Variants in USP40 observed in about 807,000 individuals in gnomAD.
USP40 encodes ubiquitin carboxyl-terminal hydrolase 40.
Under a neutral mutation model 166.2 loss-of-function variants are expected in USP40, and 143 were observed. That is an observed-to-expected ratio of 0.86 (90% CI 0.75 to 0.99). The LOEUF is 0.99. Ranked by LOEUF, USP40 falls within the 50% of genes least tolerant of loss-of-function variation. The probability of loss-of-function intolerance (pLI) is 0.00; values close to 1 mark genes in which losing one functional copy is unlikely to be tolerated. For missense variants in USP40, 1,444 were observed against 1,479.7 expected (o/e 0.98, Z 0.40); for synonymous variants, 498 against 524.0 (o/e 0.95, Z 0.68).
At chr2:233,509,525 A>G (rs572564263) in intron 21 of USP40, among the ~76,000 whole-genome samples, 10 of 152,288 alleles carry the variant, frequency 6.6e-5, no homozygotes, top group African/African-American at 2.2e-4. Flanking sequence ...ATAGAAAGAA[A>G]AAAATTGTAA....
intron 7 of USP40, among the ~76,000 whole-genome samples, chr2:233,549,987 A>G (rs1300192959): frequency 6.6e-6 from 1 of 152,172 alleles, no homozygotes. Context: ...ATGTTTATTT[A>G]AATTTCTGAT....
Position 233,499,922 on chromosome 2 carries a change from A to C in USP40, c.2614-7T>G. On this transcript the variant is annotated splice_polypyrimidine_tract_variant and splice_region_variant and intron_variant, in intron 21 of 31. Coordinates refer to ENST00000678225, the MANE Select transcript of USP40 (RefSeq NM_001365479.2). Reference sequence around the variant, plus strand: ...TCAGCATTAACTTTAAACACTGTAAAGAAAAACAATGTCCAATGTTAGTTT... The same window carrying C: ...TCAGCATTAACTTTAAACACTGTAACGAAAAACAATGTCCAATGTTAGTTT... 1 of 1,611,586 alleles carries C rather than the reference A, an allele frequency of 6.2e-7. No individual in the cohort carries two copies. Among genetic ancestry groups the C allele is most frequent in the Non-Finnish European group, 8.5e-7 (1 of 1,178,730 alleles).
intron 26 of USP40, among the ~76,000 whole-genome samples, chr2:233,490,865 A>G (rs1226935923): frequency 6.6e-6 from 1 of 152,234 alleles, no homozygotes; most frequent in Non-Finnish European, 1.5e-5. Flanking sequence ...AATGCTTTAC[A>G]AATGTTCCAA....
At chr2:233,551,551 A>C (rs964632572) in intron 6 of USP40, 32 bp from the exon 7 acceptor site, 24 of 1,553,450 alleles carry the variant, frequency 1.5e-5, no homozygotes, top group Non-Finnish European at 2.0e-5. Flanking sequence ...AAGCTTTTTA[A>C]AAACAGGGTT....
chr2:233,557,445 T>C (rs965531233), intron 4 of USP40, among the ~76,000 whole-genome samples: 1 of 152,262 alleles, frequency 6.6e-6, no homozygotes, highest in Non-Finnish European at 1.5e-5. Flanking sequence ...AACTAGAATG[T>C]ACTGCTTTGA....
rs756822883 is a variant in USP40, at chr2:233,540,655, G to GTATT, written c.1170+3_1170+6dup. ...CTAGGACTTCCCAAAACGATGCCAT[G>GTATT]TATTACCTTCCGCAGTGGTCCATGC... On this transcript the variant is annotated splice_region_variant and intron_variant, in intron 10 of 31. Coordinates refer to ENST00000678225, the MANE Select transcript of USP40 (RefSeq NM_001365479.2). 87 of 1,591,790 alleles carry GTATT rather than the reference G, an allele frequency of 5.5e-5. No homozygotes were observed. The African/African-American group carries it at 1.0e-3, about 19-fold the overall frequency.
At chr2:233,500,791 G>T (rs1259170199) in intron 21 of USP40, among the ~76,000 whole-genome samples, 2 of 152,112 alleles carry the variant, frequency 1.3e-5, no homozygotes, top group Non-Finnish European at 2.9e-5. Context: ...TAATTTAAAA[G>T]AAATCACAGA....
intron 18 of USP40, among the ~76,000 whole-genome samples, chr2:233,517,379 G>GTTTT (rs202226925): frequency 0.014 from 1,959 of 136,886 alleles, 115 homozygotes; most frequent in African/African-American, 0.046. Flanking sequence ...CACATGCATG[G>GTTTT]TTTTTTGTTT....
At position 233,525,526 on chromosome 2, in the gene USP40, C is replaced by A; in HGVS notation, c.1762G>T (p.Val588Phe). ...EFWEGDMVLS[V>F]AKLVPAGLHI... is the part of the protein sequence containing the mutation. Reference sequence around the variant, plus strand: ...AGTCCTGCTGGTACAAGCTTTGCAACACTAAGAACCATGTCTCCTTCCCAA... The same window carrying A: ...AGTCCTGCTGGTACAAGCTTTGCAAAACTAAGAACCATGTCTCCTTCCCAA... Residue 588 changes from valine to phenylalanine, a missense_variant, in exon 14 of 32, where the codon GTT becomes TTT. Val to Phe is a conservative substitution (Grantham distance 50, BLOSUM62 -1). Transcript: ENST00000678225. The A allele has an allele frequency of 1.2e-6, 2 of 1,613,164 alleles. No homozygotes were observed. Among genetic ancestry groups the A allele is most frequent in the African/African-American group, 1.3e-5 (1 of 75,004 alleles).
chr2:233,540,037 A>G (rs1329983657), intron 10 of USP40, among the ~76,000 whole-genome samples: 1 of 151,418 alleles, frequency 6.6e-6, no homozygotes, highest in Non-Finnish European at 1.5e-5. Flanking sequence ...AGGCAGGAGA[A>G]TCACTGGAGC....
chr2:233,485,899 C>T lies in USP40; in HGVS notation c.3276G>A (p.Trp1092Ter), dbSNP rs745563205. 1 of 1,603,278 alleles carries T rather than the reference C, an allele frequency of 6.2e-7. No homozygotes were observed. Among genetic ancestry groups the T allele is most frequent in the South Asian group, 1.1e-5 (1 of 88,564 alleles). Residue 1092 changes from tryptophan to a stop codon, truncating the protein, a stop_gained, in exon 29 of 32, where the codon TGG (tryptophan) becomes TGA (stop). Transcript: ENST00000678225. LOFTEE classifies it high-confidence loss of function. ...RTYAPALDLV[W>*]NAAQGGTAGS... is the part of the protein sequence containing the mutation. ...CGGCAGTCCCACCCTGGGCCGCGTT[C>T]CACACCAGGTCCAGGGCAGGGGCAT...
chr2:233,515,501 T>C (rs754750733), intron 18 of USP40, among the ~76,000 whole-genome samples: 6 of 152,202 alleles, frequency 3.9e-5, no homozygotes, highest in Non-Finnish European at 7.3e-5. Context: ...TGGTCATTCA[T>C]AGGTACGTCT....
At chr2:233,485,085 A>AC in intron 30 of USP40, among the ~76,000 whole-genome samples, 1 of 152,154 alleles carries the variant, frequency 6.6e-6, no homozygotes, top group Non-Finnish European at 1.5e-5. Context: ...AAAGTCATGA[A>AC]CACTGGGTTT....
At chr2:233,500,515 G>A (rs1007669669) in intron 21 of USP40, among the ~76,000 whole-genome samples, 1 of 152,006 alleles carries the variant, frequency 6.6e-6, no homozygotes, top group African/African-American at 2.4e-5. Flanking sequence ...TTGGACAAGC[G>A]AGCAAATACA....
At chr2:233,490,977 T>G (rs536089189) in intron 26 of USP40, 190 bp downstream of exon 26, 1 of 704,280 alleles carries the variant, frequency 1.4e-6, no homozygotes, top group Non-Finnish European at 2.6e-6. Flanking sequence ...GAGGGACCAG[T>G]GAGGCCACGA....
intron 11 of USP40, among the ~76,000 whole-genome samples, chr2:233,532,267 T>C (rs971385608): frequency 3.3e-5 from 5 of 152,314 alleles, no homozygotes; most frequent in Non-Finnish European, 5.9e-5. Flanking sequence ...CAGCTATGTC[T>C]TCGTTTGCAA....
chr2:233,486,883 C>A lies in USP40; in HGVS notation c.3198-906G>T, dbSNP rs540897992. ...AGCCCAGCACAGTGCGGCCAGAGGA[C>A]AGAAAGGGCATCGGCACAGATGCTG... is the stretch of plus-strand genomic sequence containing the variant. On this transcript the variant is annotated intron_variant, in intron 28 of 31. Transcript: ENST00000678225. This position sits in a 1 kb window ranked among gnomAD's most constrained non-coding sequence, Gnocchi z 4.0. Among the ~76,000 whole-genome samples the A allele has an allele frequency of 6.6e-6, 1 of 152,224 alleles. No homozygotes were observed. Among genetic ancestry groups the A allele is most frequent in the Admixed American group, 6.5e-5 (1 of 15,288 alleles).
rs753056737 is a variant in USP40, at chr2:233,549,243, G to T, written c.838-14C>A. On this transcript the variant is annotated splice_polypyrimidine_tract_variant and intron_variant, in intron 7 of 31. Transcript: ENST00000678225. ...ATCCAATTCACTCTAAAAGAAAAAAGAACAAAAATATTGATATAGTTTTCA... is the reference window on the plus strand; with the variant it reads ...ATCCAATTCACTCTAAAAGAAAAAATAACAAAAATATTGATATAGTTTTCA... 1 of 1,320,188 alleles carries T rather than the reference G, an allele frequency of 7.6e-7. No individual in the cohort carries two copies. Among genetic ancestry groups the T allele is most frequent in the South Asian group, 1.6e-5 (1 of 61,260 alleles). 81.8% of individuals were successfully genotyped at this position (1,320,188 alleles called of 1,614,324 possible).
chr2:233,486,037 T>A lies in USP40; in HGVS notation c.3198-60A>T. The A allele has an allele frequency of 1.3e-6, 2 of 1,506,344 alleles. No homozygotes were observed. The highest frequency in any genetic ancestry group is 1.8e-6 in the Non-Finnish European group (2 of 1,130,198). 93.3% of individuals were successfully genotyped at this position (1,506,344 alleles called of 1,614,324 possible). A position where few individuals can be genotyped will look rare whatever the true frequency, so the allele number is the denominator to read the frequency against. ...CAAACAAACAAAACCACGTGGTAAC[T>A]TGAGGCATAATGGGCAAAGCTTCTC... is the stretch of plus-strand genomic sequence containing the variant. On this transcript the variant is annotated intron_variant, in intron 28 of 31. Transcript: ENST00000678225. The surrounding 1 kb of genome is among the most constrained non-coding windows in gnomAD (Gnocchi z 4.0).
Sources: allele counts gnomAD v4.1 joint callset (sites outside exome capture counted in the v4.1 genomes callset), GRCh38; gene constraint gnomAD v4.1.1; non-coding constraint Gnocchi (gnomAD v3.1); transcripts MANE v1.5; gene names NCBI Gene and HGNC (gene_info 2026-07-23, HGNC 2026-07-21).